Variants in CGNL1 observed in about 807,000 individuals in gnomAD.
CGNL1 encodes the protein cingulin like 1.
CGNL1 carries 132 observed loss-of-function variants against 141.2 expected under a neutral mutation model. The ratio of observed to expected loss-of-function variants is 0.93; its 90% CI spans 0.81 to 1.08. CGNL1 has a LOEUF of 1.08. CGNL1 is among the 50% of genes least tolerant of loss of function. CGNL1 has a pLI of 0.00. For missense variants in CGNL1, 1,870 were observed against 1,588.6 expected (o/e 1.18, Z -3.01); for synonymous variants, 690 against 622.1 (o/e 1.11, Z -1.63).
At chr15:57,541,804 C>G (rs558275912) in intron 14 of CGNL1, among the ~76,000 whole-genome samples, 1 of 152,310 alleles carries the variant, frequency 6.6e-6, no homozygotes, top group South Asian at 2.1e-4. Context: ...TGCCGTAGGC[C>G]TCAGTTTCCT....
intron 8 of CGNL1, among the ~76,000 whole-genome samples, chr15:57,465,318 T>TA (rs1420569189): frequency 8.5e-5 from 13 of 152,048 alleles, no homozygotes; most frequent in African/African-American, 3.1e-4. Context: ...TATGTGCTCT[T>TA]ACACTTAGAT....
chr15:57,433,293 G>A (rs574344630), intron 1 of CGNL1, among the ~76,000 whole-genome samples: 37 of 152,352 alleles, frequency 2.4e-4, no homozygotes, highest in Non-Finnish European at 4.9e-4. Flanking sequence ...CTTGTCCTTA[G>A]TATTGAGTTG....
At chr15:57,475,753 C>T (rs576712542) in intron 8 of CGNL1, among the ~76,000 whole-genome samples, 1 of 152,218 alleles carries the variant, frequency 6.6e-6, no homozygotes, top group African/African-American at 2.4e-5. Flanking sequence ...TCACTGGATT[C>T]TCTGCGTGTG....
intron 8 of CGNL1, among the ~76,000 whole-genome samples, chr15:57,468,687 G>A (rs571659787): frequency 6.6e-6 from 1 of 152,010 alleles, no homozygotes; most frequent in Non-Finnish European, 1.5e-5. Flanking sequence ...GAGCAATGAT[G>A]TTTCTTTTAT....
At chr15:57,407,747 ATTTT>A (rs35752757) in intron 1 of CGNL1, among the ~76,000 whole-genome samples, 2 of 136,222 alleles carry the variant, frequency 1.5e-5, no homozygotes, top group African/African-American at 2.7e-5. Context: ...ATTATTCTCA[ATTTT>A]TTTTTTTTTT....
At chr15:57,496,525 C>T (rs1020636033) in intron 8 of CGNL1, among the ~76,000 whole-genome samples, 2 of 152,148 alleles carry the variant, frequency 1.3e-5, no homozygotes, top group African/African-American at 2.4e-5. Flanking sequence ...CAACCTCCGC[C>T]GATCCATGGA....
chr15:57,538,941 A>G (rs2032415978), intron 14 of CGNL1, among the ~76,000 whole-genome samples: 1 of 152,130 alleles, frequency 6.6e-6, no homozygotes, highest in South Asian at 2.1e-4. Flanking sequence ...TGGAATCCCA[A>G]AGCTGCTTCC....
At chr15:57,443,739 G>A (rs2063219057) in intron 4 of CGNL1, among the ~76,000 whole-genome samples, 2 of 152,146 alleles carry the variant, frequency 1.3e-5, no homozygotes, top group South Asian at 4.1e-4. Flanking sequence ...AGTTCTTAAA[G>A]TCAGTCCAGT....
At chr15:57,465,956 C>T (rs1431531254) in intron 8 of CGNL1, among the ~76,000 whole-genome samples, 2 of 152,160 alleles carry the variant, frequency 1.3e-5, no homozygotes, top group African/African-American at 4.8e-5. Context: ...ACCCATCAGC[C>T]ATATCTTTTA....
chr15:57,448,284 A>T (rs768578866), intron 4 of CGNL1, among the ~76,000 whole-genome samples: 2 of 151,904 alleles, frequency 1.3e-5, no homozygotes, highest in South Asian at 2.1e-4. Flanking sequence ...CTTAACTTTC[A>T]GATATTGTGT....
At chr15:57,529,559 A>AACAC (rs10593466) in intron 13 of CGNL1, among the ~76,000 whole-genome samples, 6,725 of 137,846 alleles carry the variant, frequency 0.049, 233 homozygotes, top group African/African-American at 0.069. Context: ...AACCCCCAGA[A>AACAC]ACACACACAC....
chr15:57,380,757 G>C (rs1251386408), intron 1 of CGNL1, among the ~76,000 whole-genome samples: 1 of 152,166 alleles, frequency 6.6e-6, no homozygotes, highest in Non-Finnish European at 1.5e-5. Flanking sequence ...ACTGAACAGG[G>C]GTACTTCCTG....
At chr15:57,448,139 T>C (rs1244893690) in intron 4 of CGNL1, among the ~76,000 whole-genome samples, 1 of 151,958 alleles carries the variant, frequency 6.6e-6, no homozygotes, top group Non-Finnish European at 1.5e-5. Flanking sequence ...AGATCCCATC[T>C]CTACAAAAAC....
intron 8 of CGNL1, among the ~76,000 whole-genome samples, chr15:57,468,234 C>CTTTTTTTTTT (rs57360097): frequency 1.2e-4 from 10 of 85,918 alleles, no homozygotes; most frequent in African/African-American, 3.0e-4. Flanking sequence ...TTTTCTTTTT[C>CTTTTTTTTTT]TTTTTTTTTT....
intron 8 of CGNL1, among the ~76,000 whole-genome samples, chr15:57,479,004 ATTAATTG>A (rs1333109697): frequency 1.3e-5 from 2 of 152,132 alleles, no homozygotes; most frequent in Non-Finnish European, 2.9e-5. Context: ...GTAGAATCTG[ATTAATTG>A]TCCATCAATA....
intron 3 of CGNL1, 148 bp downstream of exon 3, chr15:57,440,619 A>G (rs533592550): frequency 6.1e-6 from 4 of 654,022 alleles, no homozygotes; most frequent in South Asian, 5.5e-5. Flanking sequence ...GGTTTTCGTG[A>G]CGGCATTTGT....
At chr15:57,524,897 G>C in intron 12 of CGNL1, 146 bp downstream of exon 12, 1 of 798,902 alleles carries the variant, frequency 1.3e-6, no homozygotes, top group Non-Finnish European at 1.9e-6. Context: ...GATGGGTTCC[G>C]TGGGCAAATG....
At chr15:57,487,299 A>C (rs2063797948) in intron 8 of CGNL1, among the ~76,000 whole-genome samples, 1 of 152,148 alleles carries the variant, frequency 6.6e-6, no homozygotes, top group South Asian at 2.1e-4. Flanking sequence ...TCTTGAGCTT[A>C]TTCAACTTTT....
intron 1 of CGNL1, among the ~76,000 whole-genome samples, chr15:57,400,531 T>C (rs1305575378): frequency 1.3e-5 from 2 of 152,184 alleles, no homozygotes; most frequent in African/African-American, 4.8e-5. Flanking sequence ...CACACAGCTT[T>C]GGATGCTCAA....
Sources: gnomAD v4.1 joint callset for allele counts (sites outside exome capture counted in the v4.1 genomes callset) on GRCh38, gnomAD v4.1.1 for gene constraint, MANE v1.5 for transcripts, NCBI Gene and HGNC (gene_info 2026-07-23, HGNC 2026-07-21) for gene names.